Variants in ARCN1 observed in about 807,000 individuals in gnomAD.
ARCN1 encodes the protein coatomer subunit delta.
In ARCN1, 5 loss-of-function variants were observed where a neutral mutation model predicts 60.4. The observed-to-expected ratio is 0.08, with a 90% confidence interval of 0.04 to 0.17. The LOEUF (loss-of-function observed/expected upper bound fraction) is 0.17. Ranked by LOEUF, ARCN1 falls within the 10% of genes least tolerant of loss-of-function variation. The probability of loss-of-function intolerance (pLI) is 1.00; values close to 1 mark genes in which losing one functional copy is unlikely to be tolerated. For synonymous variants in ARCN1, 224 were observed against 220.0 expected, an observed-to-expected ratio of 1.02 and a Z score of -0.16; for missense variants, 464 against 626.5, an observed-to-expected ratio of 0.74 and a Z score of 2.77.
In ARCN1 at chr11:118,583,703, A is replaced by C. The variant is rs1017169460; in HGVS notation, c.448-106A>C. On this transcript the variant is annotated intron_variant, in intron 3 of 9. Coordinates refer to ENST00000264028, the MANE Select transcript of ARCN1 (RefSeq NM_001655.5). ...AGCCCAGGAAGTTGAGGCTGCAGTG[A>C]GCTGTGATTGTGCCACTTGCACTCC... 48 of 1,159,184 alleles carry C rather than the reference A, an allele frequency of 4.1e-5. No homozygotes were observed. The East Asian group carries it at 1.1e-3, about 26-fold the overall frequency. 71.8% of individuals were successfully genotyped at this position (1,159,184 alleles called of 1,614,324 possible). A position where few individuals can be genotyped will look rare whatever the true frequency, so the allele number is the denominator to read the frequency against.
At chr11:118,600,595 C>G in intron 9 of ARCN1, 30 bp from the exon 10 acceptor site, 2 of 1,519,092 alleles carry the variant, frequency 1.3e-6, no homozygotes, top group Non-Finnish European at 9.1e-7. Context: ...AAACCTCCTG[C>G]TTTACCTTAC....
At chr11:118,591,898 C>CTATT (rs1184197221) in intron 6 of ARCN1, among the ~76,000 whole-genome samples, 281 of 151,528 alleles carry the variant, frequency 1.9e-3, no homozygotes, top group African/African-American at 4.6e-3. Context: ...CCACACCCAG[C>CTATT]TATTTATTTA....
chr11:118,574,987 G>A (rs904017420), intron 1 of ARCN1, among the ~76,000 whole-genome samples: 1 of 151,826 alleles, frequency 6.6e-6, no homozygotes, highest in East Asian at 1.9e-4. Context: ...TTTCTTGTTT[G>A]TTTGGTTTTC....
chr11:118,584,645 G>A lies in ARCN1; in HGVS notation c.818+1G>A. 1 of 1,587,932 alleles carries A rather than the reference G, an allele frequency of 6.3e-7. No individual in the cohort carries two copies. The highest frequency in any genetic ancestry group is 8.5e-7 in the Non-Finnish European group (1 of 1,170,876). On this transcript the variant is annotated splice_donor_variant, in intron 5 of 9. Coordinates refer to ENST00000264028, the MANE Select transcript of ARCN1 (RefSeq NM_001655.5). LOFTEE classifies it high-confidence loss of function. The stretch of plus-strand genomic sequence containing the variant: ...ATGCTCCACCCATTAATATGGAAAG[G>A]TAAGTAGGAACTTTGAGTAAGAATT...
chr11:118,581,185 A>G, intron 1 of ARCN1, 61 bp from the exon 2 acceptor site: 1 of 1,584,222 alleles, frequency 6.3e-7, no homozygotes, highest in Non-Finnish European at 8.6e-7. Context: ...ATTTCCTGAG[A>G]TGCTGAGAAA....
intron 5 of ARCN1, among the ~76,000 whole-genome samples, chr11:118,587,645 C>T (rs1369652967): frequency 6.6e-6 from 1 of 152,154 alleles, no homozygotes; most frequent in African/African-American, 2.4e-5. Flanking sequence ...TTAGATTTTT[C>T]CGCACACATC....
chr11:118,592,350 G>C (rs1294720025), intron 6 of ARCN1, among the ~76,000 whole-genome samples: 4 of 152,084 alleles, frequency 2.6e-5, no homozygotes, highest in African/African-American at 9.7e-5. Flanking sequence ...AGCTGATCAG[G>C]GTCTTACTGG....
intron 1 of ARCN1, chr11:118,573,525 C>CA (rs1938407046): frequency 1.9e-6 from 1 of 539,240 alleles, no homozygotes; most frequent in South Asian, 2.3e-5. Context: ...TCTTTGGTTT[C>CA]AAAAAAGCTA....
Position 118,601,897 on chromosome 11 carries a change from T to C in ARCN1, c.*1183T>C. The C allele has an allele frequency of 1.7e-6, 1 of 592,242 alleles. No homozygotes were observed. The highest frequency in any genetic ancestry group is 3.0e-6 in the Non-Finnish European group (1 of 331,922). 36.7% of individuals were successfully genotyped at this position (592,242 alleles called of 1,614,324 possible). ...GCTGCTGTTGCTACCCAAATTTTCA[T>C]TTCTCCACATTTTGGGTACTTAAGC... On this transcript the variant is annotated 3_prime_UTR_variant, in exon 10 of 10. Transcript: ENST00000264028.
chr11:118,577,327 A>C (rs1938540380), intron 1 of ARCN1, among the ~76,000 whole-genome samples: 1 of 151,830 alleles, frequency 6.6e-6, no homozygotes, highest in Non-Finnish European at 1.5e-5. Context: ...GCTTACTGCA[A>C]CTTCCGCCTC....
In ARCN1 at chr11:118,583,993, A is replaced by G. The variant is rs782768022; in HGVS notation, c.632A>G (p.Lys211Arg). Residue 211 changes from lysine to arginine, a missense_variant, in exon 4 of 10, where the codon AAA (lysine) becomes AGA (arginine). Physicochemically the swap from Lys to Arg is conservative, Grantham distance 26. This residue lies in a region of ARCN1 where 359 missense variants were observed against 440.2 expected (regional missense o/e 0.82). Coordinates refer to ENST00000264028, the MANE Select transcript of ARCN1 (RefSeq NM_001655.5). Reference sequence around the variant, plus strand: ...ACCATCATTGAAACTGATAAACCAAAAGTGGCACCTGCACCAGCCAGGTAT... The same window carrying G: ...ACCATCATTGAAACTGATAAACCAAGAGTGGCACCTGCACCAGCCAGGTAT... The part of the protein sequence containing the change: ...TETIIETDKP[K>R]VAPAPARPSG... The G allele has an allele frequency of 1.2e-6, 2 of 1,614,084 alleles. No individual in the cohort carries two copies. The highest frequency in any genetic ancestry group is 2.2e-5 in the South Asian group (2 of 91,080).
In ARCN1 at chr11:118,584,032, T is replaced by G. The variant is rs1183092946; in HGVS notation, c.653+18T>G. 4.3e-6 allele frequency: 7 copies of G among 1,610,670 alleles called. No individual in the cohort carries two copies. Among genetic ancestry groups the G allele is most frequent in the Non-Finnish European group, 5.9e-6 (7 of 1,177,316 alleles). On this transcript the variant is annotated intron_variant, in intron 4 of 9. Coordinates refer to ENST00000264028, the MANE Select transcript of ARCN1 (RefSeq NM_001655.5). ...CCAGCCAGGTATAATCCAGTGTACT[T>G]TAGAATACCAGGTGAAGGGTGTATA...
chr11:118,588,386 A>C (rs544601156), intron 5 of ARCN1, among the ~76,000 whole-genome samples: 4 of 152,340 alleles, frequency 2.6e-5, no homozygotes, highest in African/African-American at 9.6e-5. Flanking sequence ...CCTGAGGCCT[A>C]AAGTGCCCCA....
At chr11:118,573,131 C>G (rs1555072771) in intron 1 of ARCN1, among the ~76,000 whole-genome samples, 1 of 152,194 alleles carries the variant, frequency 6.6e-6, no homozygotes, top group Non-Finnish European at 1.5e-5. Flanking sequence ...CCAAGTGTCT[C>G]TGAAACCTTC....
chr11:118,585,726 A>G (rs1037580685), intron 5 of ARCN1, among the ~76,000 whole-genome samples: 1 of 151,912 alleles, frequency 6.6e-6, no homozygotes, highest in Admixed American at 6.6e-5. Context: ...TTTGGTAGAG[A>G]TGGGGTTTTG....
chr11:118,600,543 A>G (rs1591394140), intron 9 of ARCN1, 82 bp from the exon 10 acceptor site: 8 of 875,748 alleles, frequency 9.1e-6, no homozygotes, highest in African/African-American at 5.3e-5. Flanking sequence ...AGGGAAATTG[A>G]TATGTTCTGT....
At chr11:118,590,316 C>CTTTCTCTTTATAGTGT (rs1938872938) in intron 5 of ARCN1, 25 bp from the exon 6 acceptor site, 1 of 1,598,862 alleles carries the variant, frequency 6.3e-7, no homozygotes, top group Non-Finnish European at 8.6e-7. Context: ...CCTTTCTGAA[C>CTTTCTCTTTATAGTGT]AAATGTATTA....
rs150318642 is a variant in ARCN1 at position 118,574,758 on chromosome 11, A to AT, written c.3+2220dup. On this transcript the variant is annotated intron_variant, in intron 1 of 9. Transcript: ENST00000264028. ...AAAGTACAAAGAAAGGCATCTTTTG[A>AT]TTTTTTTTTTTTAAAGAGACAGGGT... is the stretch of plus-strand genomic sequence containing the variant. 1.1e-3 allele frequency among the ~76,000 whole-genome samples: 168 copies of AT among 147,968 alleles called. 3 individuals are homozygous for AT. Among genetic ancestry groups the AT allele is most frequent in the South Asian group, 7.0e-3 (33 of 4,686 alleles).
intron 8 of ARCN1, among the ~76,000 whole-genome samples, chr11:118,595,939 C>T (rs1555077061): frequency 6.6e-6 from 1 of 151,982 alleles, no homozygotes; most frequent in Non-Finnish European, 1.5e-5. Context: ...TGGTGGCGGG[C>T]GCCTGTAGTT....
Sources: allele counts gnomAD v4.1 joint callset (sites outside exome capture counted in the v4.1 genomes callset), GRCh38; gene constraint gnomAD v4.1.1; regional missense constraint gnomAD v4.1.1; transcripts MANE v1.5; gene names NCBI Gene and HGNC (gene_info 2026-07-23, HGNC 2026-07-21).